Variants in PAPPA observed in about 807,000 individuals in gnomAD.
PAPPA encodes pappalysin 1, also known as pappalysin-1.
PAPPA carries 60 observed loss-of-function variants against 164.0 expected under a neutral mutation model. That is an observed-to-expected ratio of 0.37 (90% confidence interval 0.30 to 0.45). The LOEUF (loss-of-function observed/expected upper bound fraction) is 0.45. Among genes scored for constraint, PAPPA ranks in the 20% least tolerant of loss-of-function variants. The pLI, the probability that PAPPA is intolerant of heterozygous loss-of-function variation, is 1.00. For missense variants in PAPPA, 1,782 were observed against 2,087.3 expected (o/e 0.85, Z 2.85); for synonymous variants, 875 against 814.1 (o/e 1.07, Z -1.27).
At chr9:116,155,058 T>G (rs1017957552) in intron 1 of PAPPA, among the ~76,000 whole-genome samples, 7 of 152,184 alleles carry the variant, frequency 4.6e-5, no homozygotes, top group Non-Finnish European at 1.0e-4. Context: ...AGGGCAAGGT[T>G]GTTGTAATGG....
At position 116,232,207 on chromosome 9, in the gene PAPPA, C is replaced by T. The variant is rs181408828; in HGVS notation, c.2234-2932C>T. 2.2e-3 allele frequency among the ~76,000 whole-genome samples: 328 copies of T among 152,306 alleles called. 2 individuals carry two copies. The highest frequency in any genetic ancestry group is 2.2e-3 in the Non-Finnish European group (151 of 68,032). ...TTGGTTCTACTTAGCTTACCAGCCT[C>T]AGCATTTGTTGCTCTACAATTGCAC... is the stretch of plus-strand genomic sequence containing the variant. On this transcript the variant is annotated intron_variant, in intron 6 of 21. Coordinates refer to ENST00000328252, the MANE Select transcript of PAPPA (RefSeq NM_002581.5).
intron 9 of PAPPA, among the ~76,000 whole-genome samples, chr9:116,289,348 C>A (rs1845402188): frequency 7.9e-6 from 1 of 126,136 alleles, no homozygotes; most frequent in Non-Finnish European, 1.7e-5. Flanking sequence ...ATATATATGG[C>A]ATATATATGG....
chr9:116,311,276 C>G (rs911587310), intron 10 of PAPPA, among the ~76,000 whole-genome samples: 1 of 152,126 alleles, frequency 6.6e-6, no homozygotes, highest in Admixed American at 6.5e-5. Flanking sequence ...TCCAAAGCAT[C>G]ATTTTCAACA....
At chr9:116,294,519 T>G (rs890124289) in intron 9 of PAPPA, among the ~76,000 whole-genome samples, 4 of 152,214 alleles carry the variant, frequency 2.6e-5, no homozygotes, top group African/African-American at 9.6e-5. Context: ...AAAGATAGGC[T>G]ATATAAAGTC....
rs1019847400 is a variant in PAPPA, at chr9:116,347,836, A to C, written c.3964+627A>C. On this transcript the variant is annotated intron_variant, in intron 15 of 21. Transcript: ENST00000328252. The surrounding 1 kb of genome is among the most constrained non-coding windows in gnomAD (Gnocchi z 4.5). Reference sequence around the variant, plus strand: ...GGAAAAAGACACTGGCATACCAGAGAAGAGGTCACATTTTAGAAAAAAGTG... The same window carrying C: ...GGAAAAAGACACTGGCATACCAGAGCAGAGGTCACATTTTAGAAAAAAGTG... Among the ~76,000 whole-genome samples, 1 of 152,168 alleles carries C rather than the reference A, an allele frequency of 6.6e-6. No homozygotes were observed. Among genetic ancestry groups the C allele is most frequent in the Non-Finnish European group, 1.5e-5 (1 of 68,022 alleles).
chr9:116,265,866 T>C lies in PAPPA; in HGVS notation c.2742T>C (p.Asn914=). The C allele has an allele frequency of 6.3e-7, 1 of 1,599,854 alleles. No individual in the cohort carries two copies. The highest frequency in any genetic ancestry group is 8.6e-7 in the Non-Finnish European group (1 of 1,168,386). The change falls in exon 8 of 22, where the codon AAT becomes AAC. Residue 914 remains asparagine (N), a synonymous_variant. Transcript: ENST00000328252. ...TCTTTGTATTTTCCAGGGATCTAAA[T>C]CTTGGCAGTGTGTACCAGTATTGGG... ...LNRKFVDMDL[N]LGSVYQYWVI... is the part of the protein sequence containing the mutation.
At chr9:116,194,861 T>C (rs1844085076) in intron 2 of PAPPA, among the ~76,000 whole-genome samples, 2 of 152,224 alleles carry the variant, frequency 1.3e-5, no homozygotes, top group South Asian at 4.1e-4. Flanking sequence ...AACTGCCATA[T>C]ACAAATTGAG....
At chr9:116,276,199 A>G (rs979982420) in intron 9 of PAPPA, among the ~76,000 whole-genome samples, 2 of 152,236 alleles carry the variant, frequency 1.3e-5, no homozygotes, top group African/African-American at 4.8e-5. Flanking sequence ...TGAGTCATAA[A>G]CTACAGACAG....
intron 10 of PAPPA, among the ~76,000 whole-genome samples, chr9:116,310,020 C>A (rs1007675394): frequency 6.6e-6 from 1 of 152,194 alleles, no homozygotes; most frequent in Non-Finnish European, 1.5e-5. Context: ...CTTCTGTTTT[C>A]TTTTCTTATA....
At chr9:116,179,180 G>A (rs764274876) in intron 1 of PAPPA, among the ~76,000 whole-genome samples, 4 of 152,176 alleles carry the variant, frequency 2.6e-5, no homozygotes, top group African/African-American at 7.2e-5. Flanking sequence ...GGTTCAGAGA[G>A]GTGAATTAAC....
At chr9:116,372,727 G>T (rs778512969) in intron 19 of PAPPA, among the ~76,000 whole-genome samples, 1 of 152,038 alleles carries the variant, frequency 6.6e-6, no homozygotes, top group Non-Finnish European at 1.5e-5. Context: ...AATGGGAGGC[G>T]GAAAGAGAGG....
At chr9:116,379,817 T>C (rs1487115580) in intron 20 of PAPPA, among the ~76,000 whole-genome samples, 1 of 152,090 alleles carries the variant, frequency 6.6e-6, no homozygotes, top group African/African-American at 2.4e-5. Context: ...TTTGGAGAGG[T>C]AACATTTGAG....
chr9:116,354,291 A>G (rs1408288507), intron 17 of PAPPA, among the ~76,000 whole-genome samples: 1 of 152,206 alleles, frequency 6.6e-6, no homozygotes, highest in Non-Finnish European at 1.5e-5. Flanking sequence ...GAACAAGTCC[A>G]ACACTCCTGC....
intron 15 of PAPPA, among the ~76,000 whole-genome samples, chr9:116,350,215 CAG>C (rs1212218898): frequency 6.6e-6 from 1 of 152,202 alleles, no homozygotes; most frequent in Admixed American, 6.5e-5. Flanking sequence ...AGCCCTCAGG[CAG>C]AGAGTTGGCA....
chr9:116,396,177 T>C (rs1846960235), intron 21 of PAPPA, among the ~76,000 whole-genome samples: 1 of 152,208 alleles, frequency 6.6e-6, no homozygotes, highest in Admixed American at 6.5e-5. Context: ...TTTCTGAGCT[T>C]CAGTTTCCCC....
intron 1 of PAPPA, among the ~76,000 whole-genome samples, chr9:116,165,642 G>C (rs1187167069): frequency 1.3e-5 from 2 of 152,154 alleles, no homozygotes; most frequent in Admixed American, 6.5e-5. Context: ...ATCTGACTCT[G>C]TCACCTCTAG....
At chr9:116,189,711 C>G (rs990701733) in intron 2 of PAPPA, among the ~76,000 whole-genome samples, 7 of 152,218 alleles carry the variant, frequency 4.6e-5, no homozygotes, top group African/African-American at 7.2e-5. Flanking sequence ...TCACACTGAA[C>G]TTTTCTATTC....
chr9:116,217,069 T>C (rs1353371405), intron 4 of PAPPA, among the ~76,000 whole-genome samples: 1 of 152,172 alleles, frequency 6.6e-6, no homozygotes, highest in African/African-American at 2.4e-5. Context: ...TCAAATACAT[T>C]CCTGTCTCCC....
chr9:116,345,245 C>T (rs1846192145), intron 14 of PAPPA, among the ~76,000 whole-genome samples: 1 of 152,080 alleles, frequency 6.6e-6, no homozygotes, highest in Non-Finnish European at 1.5e-5. Context: ...GATGACCCCA[C>T]TGTGTGATAA....
Sources: gnomAD v4.1 joint callset for allele counts (sites outside exome capture counted in the v4.1 genomes callset) on GRCh38, gnomAD v4.1.1 for gene constraint, Gnocchi (gnomAD v3.1) non-coding constraint, MANE v1.5 for transcripts, NCBI Gene and HGNC (gene_info 2026-07-23, HGNC 2026-07-21) for gene names.